PALLD: variants seen among roughly 807,000 people sequenced by gnomAD.
The protein encoded by PALLD is palladin.
A neutral mutation model predicts 123.5 loss-of-function variants in PALLD; 61 were observed. That is an observed-to-expected ratio of 0.49 (90% CI 0.40 to 0.61). The LOEUF is 0.61. PALLD is among the 20% of genes least tolerant of loss of function. The pLI, the probability that PALLD is intolerant of heterozygous loss-of-function variation, is 0.00. For synonymous variants in PALLD, 465 were observed against 496.4 expected, an observed-to-expected ratio of 0.94 and a Z score of 0.84; for missense variants, 1,273 against 1,377.0, an observed-to-expected ratio of 0.92 and a Z score of 1.20.
At chr4:168,802,445 G>A (rs1739481771) in intron 10 of PALLD, among the ~76,000 whole-genome samples, 1 of 152,180 alleles carries the variant, frequency 6.6e-6, no homozygotes, top group Non-Finnish European at 1.5e-5. Flanking sequence ...GGAACTGGAG[G>A]TCATAATCCT....
At chr4:168,860,972 A>G (rs1392634824) in intron 10 of PALLD, among the ~76,000 whole-genome samples, 4 of 152,236 alleles carry the variant, frequency 2.6e-5, no homozygotes, top group Non-Finnish European at 5.9e-5. Flanking sequence ...TACTTCAAAT[A>G]ATATTTTGGT....
intron 14 of PALLD, among the ~76,000 whole-genome samples, chr4:168,903,342 A>G (rs948877152): frequency 4.6e-5 from 7 of 152,070 alleles, no homozygotes; most frequent in African/African-American, 1.7e-4. Flanking sequence ...TTTTACCTTT[A>G]TTTTATAAAC....
intron 10 of PALLD, among the ~76,000 whole-genome samples, chr4:168,749,879 C>G (rs1730810198): frequency 6.6e-6 from 1 of 151,536 alleles, no homozygotes; most frequent in Admixed American, 6.6e-5. Context: ...CCTCCCTCCC[C>G]TCTCCTCTCA....
intron 2 of PALLD, among the ~76,000 whole-genome samples, chr4:168,526,298 A>G (rs1764037622): frequency 6.6e-6 from 1 of 152,198 alleles, no homozygotes; most frequent in Admixed American, 6.5e-5. Context: ...GCCTTTGGAT[A>G]GTTTTCTGGC....
intron 2 of PALLD, among the ~76,000 whole-genome samples, chr4:168,538,128 T>C (rs1765264583): frequency 6.6e-6 from 1 of 152,236 alleles, no homozygotes; most frequent in South Asian, 2.1e-4. Flanking sequence ...TACTGAAGTA[T>C]TTGCTTAAGC....
At position 168,894,590 on chromosome 4, in the gene PALLD, C is replaced by T. The variant is rs372414187; in HGVS notation, c.2112C>T (p.Tyr704=). The stretch of plus-strand genomic sequence containing the variant: ...CTTACGTTGTTTAGAGGTTAACATA[C>T]GAAGAAAGAATGGCTCGTCGACTGC... ...LLNNGQPRLT[Y]EERMARRLLG... Residue 704 remains tyrosine (Y), a synonymous_variant, in exon 12 of 22, where the codon TAC becomes TAT. Transcript: ENST00000505667. The T allele has an allele frequency of 1.4e-5, 22 of 1,611,494 alleles. No individual in the cohort carries two copies. The highest frequency in any genetic ancestry group is 3.3e-4 in the Middle Eastern group (2 of 6,082).
intron 2 of PALLD, among the ~76,000 whole-genome samples, chr4:168,614,413 T>C (rs1474566253): frequency 6.6e-6 from 1 of 151,454 alleles, no homozygotes; most frequent in African/African-American, 2.5e-5. Flanking sequence ...GCCTAGTCAA[T>C]GTTTTTTTGC....
chr4:168,784,500 T>C (rs1197714678), intron 10 of PALLD, among the ~76,000 whole-genome samples: 1 of 152,112 alleles, frequency 6.6e-6, no homozygotes, highest in East Asian at 1.9e-4. Context: ...GGTGCCCAAG[T>C]GGAGACAGCC....
At chr4:168,712,660 A>G (rs1311106862) in intron 10 of PALLD, among the ~76,000 whole-genome samples, 1 of 152,200 alleles carries the variant, frequency 6.6e-6, no homozygotes, top group Non-Finnish European at 1.5e-5. Flanking sequence ...CCATAGCGCA[A>G]GAGACCCTGA....
chr4:168,877,869 C>G (rs1454977118), intron 10 of PALLD: 1 of 1,420,442 alleles, frequency 7.0e-7, no homozygotes, highest in African/African-American at 1.5e-5. Flanking sequence ...GCGGCCTGCA[C>G]GCCGCCCGCG....
chr4:168,828,042 A>AAAC (rs955256712), intron 10 of PALLD, among the ~76,000 whole-genome samples: 32 of 152,320 alleles, frequency 2.1e-4, no homozygotes, highest in Non-Finnish European at 4.4e-5. Flanking sequence ...CTCCGTCTCA[A>AAAC]AACAACAACA....
At chr4:168,503,736 A>G (rs1761688334) in intron 1 of PALLD, among the ~76,000 whole-genome samples, 1 of 152,062 alleles carries the variant, frequency 6.6e-6, no homozygotes, top group Non-Finnish European at 1.5e-5. Flanking sequence ...AACCAGAAAG[A>G]ATCTGAATTG....
chr4:168,924,505 C>A, intron 19 of PALLD, 85 bp downstream of exon 19: 1 of 1,302,394 alleles, frequency 7.7e-7, no homozygotes, highest in Non-Finnish European at 1.1e-6. Flanking sequence ...GCATGGAAAT[C>A]TATGTGTAAA....
intron 6 of PALLD, among the ~76,000 whole-genome samples, chr4:168,687,661 G>T (rs1782207009): frequency 6.6e-6 from 1 of 152,170 alleles, no homozygotes; most frequent in South Asian, 2.1e-4. Context: ...GGCATGTGTA[G>T]ATATTATGGA....
intron 10 of PALLD, among the ~76,000 whole-genome samples, chr4:168,769,513 C>T (rs996676858): frequency 3.3e-5 from 5 of 152,144 alleles, no homozygotes; most frequent in African/African-American, 4.8e-5. Context: ...AGAACTCAAC[C>T]GTGGGCTGGC....
chr4:168,677,433 C>A (rs971856422), intron 3 of PALLD, among the ~76,000 whole-genome samples: 1 of 152,106 alleles, frequency 6.6e-6, no homozygotes, highest in Non-Finnish European at 1.5e-5. Flanking sequence ...GCCTTTTTGG[C>A]CCCTTTTTCC....
chr4:168,542,735 T>C (rs1243621928), intron 2 of PALLD, among the ~76,000 whole-genome samples: 1 of 36,544 alleles, frequency 2.7e-5, no homozygotes, highest in Non-Finnish European at 6.0e-5. Context: ...TATATATATA[T>C]ATATATATAT....
chr4:168,542,206 C>T (rs1765682565), intron 2 of PALLD, among the ~76,000 whole-genome samples: 2 of 152,206 alleles, frequency 1.3e-5, no homozygotes, highest in East Asian at 1.9e-4. Flanking sequence ...ATGTCCAAGA[C>T]TCTAGCCTGA....
chr4:168,754,970 C>T (rs546744717), intron 10 of PALLD, among the ~76,000 whole-genome samples: 10 of 152,284 alleles, frequency 6.6e-5, no homozygotes, highest in African/African-American at 1.9e-4. Context: ...CAGTGGCTCA[C>T]GTCTGTAATC....
Sources: allele counts gnomAD v4.1 joint callset (sites outside exome capture counted in the v4.1 genomes callset), GRCh38; gene constraint gnomAD v4.1.1; transcripts MANE v1.5; gene names NCBI Gene and HGNC (gene_info 2026-07-23, HGNC 2026-07-21).